JPH2: variants seen among roughly 807,000 people sequenced by gnomAD.
The protein encoded by JPH2 is junctophilin-2.
Under a neutral mutation model 55.9 loss-of-function variants are expected in JPH2, and 38 were observed. The observed-to-expected ratio is 0.68, with a 90% confidence interval of 0.52 to 0.89. The LOEUF is 0.89. JPH2 is among the 40% of genes least tolerant of loss of function. JPH2 has a pLI of 0.00. For synonymous variants in JPH2, 480 were observed against 472.4 expected (o/e 1.02, Z -0.21); for missense variants, 964 against 1,037.6 (o/e 0.93, Z 0.97).
At chr20:44,132,349 CAG>C (rs749871318) in intron 2 of JPH2, among the ~76,000 whole-genome samples, 13,061 of 94,198 alleles carry the variant, frequency 0.14, 815 homozygotes, top group African/African-American at 0.2. Context: ...GGGAGGCAGA[CAG>C]ACAGACACAC....
In JPH2 at chr20:44,116,405, G is replaced by A; in HGVS notation, c.1289-19C>T. 1 of 1,545,966 alleles carries A rather than the reference G, an allele frequency of 6.5e-7. No homozygotes were observed. Among genetic ancestry groups the A allele is most frequent in the Non-Finnish European group, 8.7e-7 (1 of 1,146,378 alleles). Reference sequence around the variant, plus strand: ...TCCGGACCTGCCAGGGCAACACAGGGAGGCTGGGCTCGAACCCCGCACCAC... The same window carrying A: ...TCCGGACCTGCCAGGGCAACACAGGAAGGCTGGGCTCGAACCCCGCACCAC... On this transcript the variant is annotated intron_variant, in intron 3 of 5. Coordinates refer to ENST00000372980, the MANE Select transcript of JPH2 (RefSeq NM_020433.5).
At position 44,160,140 on chromosome 20, in the gene JPH2, T is replaced by C. The variant is rs1259446628; in HGVS notation, c.647A>G (p.Lys216Arg). 5 of 1,449,168 alleles carry C rather than the reference T, an allele frequency of 3.5e-6. No homozygotes were observed. Among genetic ancestry groups the C allele is most frequent in the Middle Eastern group, 2.4e-4 (1 of 4,186 alleles). 89.8% of individuals were successfully genotyped at this position (1,449,168 alleles called of 1,614,324 possible). ...GCCCCGCTGGAAGAGGCCGCCGCCC[T>C]TGGGCGCCCGCGCGGCCGCCTCGGC... ...ANAEAAARAP[K>R]GGGLFQRGAL... is the part of the protein sequence containing the mutation. Residue 216 changes from lysine to arginine, a missense_variant, in exon 2 of 6, where the codon AAG (lysine) becomes AGG (arginine). Coordinates refer to ENST00000372980, the MANE Select transcript of JPH2 (RefSeq NM_020433.5). The surrounding 1 kb of genome is among the most constrained non-coding windows in gnomAD (Gnocchi z 4.9).
rs869025439 is a variant in JPH2, at chr20:44,160,285, T to C, written c.502A>G (p.Ser168Gly). 7 of 1,538,498 alleles carry C rather than the reference T, an allele frequency of 4.5e-6. No individual in the cohort carries two copies. Among genetic ancestry groups the C allele is most frequent in the Non-Finnish European group, 6.1e-6 (7 of 1,144,502 alleles). The change falls in exon 2 of 6, where the codon AGC (serine) becomes GGC (glycine). Residue 168 changes from serine (S) to glycine (G), a missense_variant. By Grantham distance (56) the Ser-to-Gly change is moderately conservative. Coordinates refer to ENST00000372980, the MANE Select transcript of JPH2 (RefSeq NM_020433.5). The surrounding 1 kb of genome is among the most constrained non-coding windows in gnomAD (Gnocchi z 4.9). Reference sequence around the variant, plus strand: ...GCCACCGTGCCGTTGCTGTGCTCGCTGCGCAGGGACGACAGCGACGTGCGC... The same window carrying C: ...GCCACCGTGCCGTTGCTGTGCTCGCCGCGCAGGGACGACAGCGACGTGCGC... Reference protein sequence around the residue: ...PLRTSLSSLRSEHSNGTVAPD... With the variant: ...PLRTSLSSLRGEHSNGTVAPD...
chr20:44,140,445 TG>T (rs1214987090), intron 2 of JPH2, among the ~76,000 whole-genome samples: 1 of 152,096 alleles, frequency 6.6e-6, no homozygotes, highest in Non-Finnish European at 1.5e-5. Flanking sequence ...GCAGGTCCTA[TG>T]GGATGATGGT....
intron 1 of JPH2, among the ~76,000 whole-genome samples, chr20:44,171,560 C>T (rs1232258700): frequency 2.2e-5 from 3 of 137,760 alleles, no homozygotes; most frequent in African/African-American, 5.0e-5. Flanking sequence ...TCTCCAGCCT[C>T]GTCCACCCCA....
chr20:44,182,606 C>T (rs913320807), intron 1 of JPH2, among the ~76,000 whole-genome samples: 9 of 152,186 alleles, frequency 5.9e-5, no homozygotes, highest in South Asian at 2.1e-4. Context: ...TGCCTCGGGG[C>T]CTTTGCAACA....
At chr20:44,153,898 T>C (rs1194379237) in intron 2 of JPH2, among the ~76,000 whole-genome samples, 3 of 152,208 alleles carry the variant, frequency 2.0e-5, no homozygotes, top group Admixed American at 1.3e-4. Flanking sequence ...ACACTCACTG[T>C]GCTCCTTCCA....
chr20:44,154,446 C>T (rs2145874656), intron 2 of JPH2, among the ~76,000 whole-genome samples: 1 of 152,332 alleles, frequency 6.6e-6, no homozygotes, highest in East Asian at 1.9e-4. Context: ...AGCCACATTC[C>T]AAGTGCCCAG....
Position 44,115,961 on chromosome 20 carries a change from G to A in JPH2, c.1714C>T (p.Arg572Cys), listed in dbSNP as rs377366285. ...GGTGGGGGCTCGGGCGGCGTGGTGC[G>A]CACAGCATAGCTGTGGTAGCCCTGG... ...LYQGYHSYAV[R>C]TTPPEPPPFE... The change falls in exon 4 of 6, where the codon CGC (arginine) becomes TGC (cysteine). Residue 572 changes from arginine (R) to cysteine (C), a missense_variant. By Grantham distance (180) the Arg-to-Cys change is radical (BLOSUM62 -3). Transcript: ENST00000372980. 4.3e-5 allele frequency: 67 copies of A among 1,572,328 alleles called. No homozygotes were observed. Among genetic ancestry groups the A allele is most frequent in the Non-Finnish European group, 5.1e-5 (60 of 1,166,428 alleles).
rs369442615 is a variant in JPH2 at position 44,143,072 on chromosome 20, C to T, written c.1169+16546G>A. On this transcript the variant is annotated intron_variant, in intron 2 of 5. Transcript: ENST00000372980. ...AAGCCAGATGAAAAGAGCAGGTGTT[C>T]GTGAGAGAGTAAAGGAAAAGCATTT... Among the ~76,000 whole-genome samples, 5 of 152,086 alleles carry T rather than the reference C, an allele frequency of 3.3e-5. No individual in the cohort carries two copies. In the South Asian group the frequency reaches 6.2e-4, roughly 19 times the overall value.
intron 1 of JPH2, among the ~76,000 whole-genome samples, chr20:44,164,689 A>G (rs952339974): frequency 7.3e-5 from 11 of 151,396 alleles, no homozygotes; most frequent in African/African-American, 2.7e-4. Context: ...CAAACAAACA[A>G]ACAAACAAAC....
intron 2 of JPH2, among the ~76,000 whole-genome samples, chr20:44,136,804 G>A (rs1046244436): frequency 1.3e-5 from 2 of 152,224 alleles, no homozygotes; most frequent in Non-Finnish European, 2.9e-5. Context: ...TGTAAAATGG[G>A]TTACTAATAG....
At position 44,128,777 on chromosome 20, in the gene JPH2, C is replaced by T. The variant is rs6130539; in HGVS notation, c.1170-10154G>A. The stretch of plus-strand genomic sequence containing the variant: ...TCATAGCTCACTGCAACCTTGAACT[C>T]CTGGGCTCAAGTTATCCTCCCACTT... On this transcript the variant is annotated intron_variant, in intron 2 of 5. Coordinates refer to ENST00000372980, the MANE Select transcript of JPH2 (RefSeq NM_020433.5). Among the ~76,000 whole-genome samples, 50 of 152,034 alleles carry T rather than the reference C, an allele frequency of 3.3e-4. No homozygotes were observed. In the East Asian group the frequency reaches 7.5e-3, roughly 23 times the overall value.
intron 1 of JPH2, among the ~76,000 whole-genome samples, chr20:44,183,068 CACAG>C (rs2072799628): frequency 6.6e-6 from 1 of 152,220 alleles, no homozygotes; most frequent in African/African-American, 2.4e-5. Flanking sequence ...CACGTGCACA[CACAG>C]ACACACATGC....
At chr20:44,184,406 T>C (rs1215610178) in intron 1 of JPH2, among the ~76,000 whole-genome samples, 2 of 152,132 alleles carry the variant, frequency 1.3e-5, no homozygotes, top group Non-Finnish European at 2.9e-5. Context: ...TTTTAAACTT[T>C]GATGTTATAA....
At chr20:44,164,327 TATC>T (rs1450515766) in intron 1 of JPH2, among the ~76,000 whole-genome samples, 1 of 152,236 alleles carries the variant, frequency 6.6e-6, no homozygotes, top group African/African-American at 2.4e-5. Flanking sequence ...TGGCTTCAAA[TATC>T]ATCTAAGCTG....
rs2072153619 is a variant in JPH2, at chr20:44,112,587, C to A, written c.*931G>T. The A allele has an allele frequency of 6.6e-6, 1 of 152,226 alleles. No homozygotes were observed. Among genetic ancestry groups the A allele is most frequent in the Non-Finnish European group, 1.5e-5 (1 of 68,084 alleles). The allele number at this position is 152,226 out of a possible 1,614,324, so 9.4% of individuals were successfully genotyped here. On this transcript the variant is annotated 3_prime_UTR_variant, in exon 6 of 6. Transcript: ENST00000372980. ...CTGGGCTTCCATGGGCTTCTGTGCT[C>A]CCCTGAGCTTTCGGTGGGCCCTGAT...
rs7348344 is a variant in JPH2 at position 44,129,564 on chromosome 20, A to C, written c.1170-10941T>G. 1.3e-4 allele frequency among the ~76,000 whole-genome samples: 19 copies of C among 141,038 alleles called. No individual in the cohort carries two copies. The South Asian group carries it at 1.6e-3, about 12-fold the overall frequency. 92.5% of individuals were successfully genotyped at this position (141,038 alleles called of 152,430 possible). ...AGCCAGGCTGTCTCAAAAAAAAAAA[A>C]AAAAACAAAAAAAACAAAACCATTG... On this transcript the variant is annotated intron_variant, in intron 2 of 5. Coordinates refer to ENST00000372980, the MANE Select transcript of JPH2 (RefSeq NM_020433.5).
intron 1 of JPH2, among the ~76,000 whole-genome samples, chr20:44,171,162 T>C (rs1201396323): frequency 6.6e-6 from 1 of 152,136 alleles, no homozygotes; most frequent in African/African-American, 2.4e-5. Context: ...GCTGAGATGA[T>C]GTGTGGGAGA....
Sources: allele counts gnomAD v4.1 joint callset (sites outside exome capture counted in the v4.1 genomes callset), GRCh38; gene constraint gnomAD v4.1.1; non-coding constraint Gnocchi (gnomAD v3.1); transcripts MANE v1.5; gene names NCBI Gene and HGNC (gene_info 2026-07-23, HGNC 2026-07-21).